The following ZNF493 variants were observed in gnomAD, a reference collection of about 807,000 sequenced individuals.
ZNF493 encodes the protein zinc finger protein 493.
A neutral mutation model predicts 12.2 loss-of-function variants in ZNF493; 11 were observed. That is an observed-to-expected ratio of 0.90 (90% CI 0.57 to 1.50). The LOEUF is 1.50. Among genes scored for constraint, ZNF493 ranks in the 40% most tolerant of loss-of-function variants. The probability of loss-of-function intolerance (pLI) is 0.00; values close to 1 mark genes in which losing one functional copy is unlikely to be tolerated. For synonymous variants in ZNF493, 286 were observed against 302.6 expected, an observed-to-expected ratio of 0.95 and a Z score of 0.57; for missense variants, 950 against 906.6, an observed-to-expected ratio of 1.05 and a Z score of -0.61.
At chr19:21,410,755 TTTA>T (rs2030301092) in intron 3 of ZNF493, among the ~76,000 whole-genome samples, 1 of 152,046 alleles carries the variant, frequency 6.6e-6, no homozygotes, top group South Asian at 2.1e-4. Context: ...TTCTAAGAGA[TTTA>T]TTACTTTTTC....
intron 3 of ZNF493, chr19:21,408,645 G>T (rs1468250378): frequency 2.0e-6 from 2 of 985,032 alleles, no homozygotes; most frequent in African/African-American, 3.5e-5. Context: ...TTCCTGTGCA[G>T]TTTCATATTA....
In ZNF493 at chr19:21,420,655, T is replaced by TC. The variant is rs1555731649; in HGVS notation, c.254-2257dup. Among the ~76,000 whole-genome samples, 152 of 46,394 alleles carry TC rather than the reference T, an allele frequency of 3.3e-3. 31 individuals are homozygous for TC. Among genetic ancestry groups the TC allele is most frequent in the East Asian group, 7.5e-3 (9 of 1,200 alleles). The allele number at this position is 46,394 out of a possible 152,430, so 30.4% of individuals were successfully genotyped here. On this transcript the variant is annotated intron_variant, in intron 3 of 3. Coordinates refer to ENST00000392288, the MANE Select transcript of ZNF493 (RefSeq NM_001076678.3). ...TTTTTTTTTTTTTTTTTTTTTTTTT[T>TC]CAGAACTTTGACTATATCACACAAT...
chr19:21,402,124 C>T (rs1047153068), intron 1 of ZNF493, among the ~76,000 whole-genome samples: 44 of 151,752 alleles, frequency 2.9e-4, no homozygotes, highest in Admixed American at 3.9e-4. Flanking sequence ...CCCGCCATCA[C>T]GACCGGCTAA....
Position 21,424,907 on chromosome 19 carries a change from T to A in ZNF493, c.2248T>A (p.Phe750Ile), listed in dbSNP as rs115364259. 3 of 1,613,094 alleles carry A rather than the reference T, an allele frequency of 1.9e-6. No individual in the cohort carries two copies. Among genetic ancestry groups the A allele is most frequent in the Non-Finnish European group, 2.5e-6 (3 of 1,179,466 alleles). The part of the protein sequence containing the change: ...PYKCEACGKA[F>I]RRSSHLSRHK... ...CAAATGTGAAGCATGTGGCAAAGCT[T>A]TTAGGCGGTCTTCACATCTTAGTAG... is the stretch of plus-strand genomic sequence containing the variant. Residue 750 changes from phenylalanine to isoleucine, a missense_variant, in exon 4 of 4, where the codon TTT (phenylalanine) becomes ATT (isoleucine). Coordinates refer to ENST00000392288, the MANE Select transcript of ZNF493 (RefSeq NM_001076678.3).
intron 3 of ZNF493, among the ~76,000 whole-genome samples, chr19:21,421,821 G>A (rs536939505): frequency 6.6e-6 from 1 of 152,070 alleles, no homozygotes; most frequent in Non-Finnish European, 1.5e-5. Flanking sequence ...CTGAAATTTT[G>A]TGTTTATTTT....
At chr19:21,418,830 A>C (rs2030570154) in intron 3 of ZNF493, among the ~76,000 whole-genome samples, 1 of 152,102 alleles carries the variant, frequency 6.6e-6, no homozygotes, top group Non-Finnish European at 1.5e-5. Flanking sequence ...TTTGTGGTTT[A>C]AGAATGCCTT....
At chr19:21,405,400 T>G in intron 2 of ZNF493, 145 bp downstream of exon 2, 7 of 1,464,586 alleles carry the variant, frequency 4.8e-6, no homozygotes, top group Non-Finnish European at 6.3e-6. Flanking sequence ...ACTGTCCGTG[T>G]GGAAAAAAAT....
chr19:21,420,878 A>T (rs1046985759), intron 3 of ZNF493, among the ~76,000 whole-genome samples: 1 of 150,140 alleles, frequency 6.7e-6, no homozygotes, highest in Admixed American at 6.7e-5. Context: ...CAGCCCCCCG[A>T]GTGGCTGGGA....
intron 3 of ZNF493, chr19:21,407,708 A>G: frequency 2.0e-6 from 2 of 976,520 alleles, no homozygotes; most frequent in Non-Finnish European, 2.4e-6. Flanking sequence ...TTATTAGTTT[A>G]GACAAATTTC....
At chr19:21,405,681 T>A in intron 2 of ZNF493, 80 bp from the exon 3 acceptor site, 2 of 1,212,212 alleles carry the variant, frequency 1.6e-6, no homozygotes, top group South Asian at 1.6e-5. Context: ...TTCTATTACA[T>A]CCTCTTTACT....
At position 21,423,894 on chromosome 19, in the gene ZNF493, A is replaced by G. The variant is rs771702252; in HGVS notation, c.1235A>G (p.Lys412Arg). ...EKSHRCEECGKAYKESSHLTT... is the reference protein window; with the variant it reads ...EKSHRCEECGRAYKESSHLTT... ...TCCCACAGATGTGAAGAATGTGGCAAAGCTTATAAGGAGTCTTCACACCTT... is the reference window on the plus strand; with the variant it reads ...TCCCACAGATGTGAAGAATGTGGCAGAGCTTATAAGGAGTCTTCACACCTT... The change falls in exon 4 of 4, where the codon AAA (lysine) becomes AGA (arginine). Residue 412 changes from lysine (K) to arginine (R), a missense_variant. By Grantham distance (26) the Lys-to-Arg change is conservative (BLOSUM62 2). Transcript: ENST00000392288. 3 of 1,613,318 alleles carry G rather than the reference A, an allele frequency of 1.9e-6. No individual in the cohort carries two copies. The South Asian group carries it at 3.3e-5, about 18-fold the overall frequency.
In ZNF493 at chr19:21,424,842, T is replaced by G. The variant is rs1349541785; in HGVS notation, c.2183T>G (p.Leu728Arg). ...AAAGCTTTTAACCATTCCTCAAACCTTATTAAACATAAGCTAATTCATACT... is the reference window on the plus strand; with the variant it reads ...AAAGCTTTTAACCATTCCTCAAACCGTATTAAACATAAGCTAATTCATACT... ...CGKAFNHSSN[L>R]IKHKLIHTGD... The change falls in exon 4 of 4, where the codon CTT becomes CGT. Residue 728 changes from leucine to arginine, a missense_variant. By Grantham distance (102) the Leu-to-Arg change is moderately radical. Coordinates refer to ENST00000392288, the MANE Select transcript of ZNF493 (RefSeq NM_001076678.3). 1.2e-6 allele frequency: 2 copies of G among 1,613,464 alleles called. No individual in the cohort carries two copies. The highest frequency in any genetic ancestry group is 3.3e-5 in the Admixed American group (2 of 59,936).
chr19:21,403,298 A>G (rs2030006693), intron 1 of ZNF493, among the ~76,000 whole-genome samples: 1 of 152,240 alleles, frequency 6.6e-6, no homozygotes, highest in Admixed American at 6.5e-5. Flanking sequence ...TTGCACTAAA[A>G]GGTGGTCACA....
chr19:21,412,882 C>A, intron 3 of ZNF493: 1 of 421,288 alleles, frequency 2.4e-6, no homozygotes, highest in Admixed American at 2.9e-5. Flanking sequence ...TAATAGTGTC[C>A]ACAAATCCTT....
chr19:21,399,860 G>A (rs1201054091), intron 1 of ZNF493, among the ~76,000 whole-genome samples: 1 of 152,150 alleles, frequency 6.6e-6, no homozygotes, highest in Non-Finnish European at 1.5e-5. Context: ...TAGGTAATTG[G>A]TGAGTTACGT....
chr19:21,413,467 T>C, intron 3 of ZNF493: 1 of 404,810 alleles, frequency 2.5e-6, no homozygotes. Context: ...TTTCTTCAGG[T>C]TTTCTTCCGC....
At chr19:21,414,803 C>G (rs562555806) in intron 3 of ZNF493, among the ~76,000 whole-genome samples, 1 of 152,326 alleles carries the variant, frequency 6.6e-6, no homozygotes, top group East Asian at 1.9e-4. Flanking sequence ...CTAAACCCAT[C>G]TGTAAAAACA....
At chr19:21,400,492 A>T (rs1263813209) in intron 1 of ZNF493, among the ~76,000 whole-genome samples, 2 of 152,162 alleles carry the variant, frequency 1.3e-5, no homozygotes, top group African/African-American at 4.8e-5. Context: ...TTTTTTAAAT[A>T]CTTAATTTCA....
intron 1 of ZNF493, 155 bp downstream of exon 1, chr19:21,397,422 C>T (rs1347435735): frequency 4.2e-6 from 4 of 953,076 alleles, no homozygotes; most frequent in East Asian, 2.4e-5. Context: ...CTCCTTCAGC[C>T]GTAAGTTGGC....
Sources: allele counts gnomAD v4.1 joint callset (sites outside exome capture counted in the v4.1 genomes callset), GRCh38; gene constraint gnomAD v4.1.1; transcripts MANE v1.5; gene names NCBI Gene and HGNC (gene_info 2026-07-23, HGNC 2026-07-21).